The following ZFP62 variants were observed in gnomAD, a reference collection of about 807,000 sequenced individuals.
ZFP62 encodes the protein zinc finger protein 62 homolog.
ZFP62 carries 44 observed loss-of-function variants against 56.4 expected under a neutral mutation model. The ratio of observed to expected loss-of-function variants is 0.78; its 90% confidence interval spans 0.61 to 1.00. ZFP62 has a LOEUF of 1.00. ZFP62 is among the 50% of genes least tolerant of loss of function. The pLI, the probability that ZFP62 is intolerant of heterozygous loss-of-function variation, is 0.00. For synonymous variants in ZFP62, 421 were observed against 388.9 expected (o/e 1.08, Z -0.97); for missense variants, 1,030 against 1,085.7 (o/e 0.95, Z 0.72).
At chr5:180,856,985 ACAGG>A (rs1774021418) in intron 1 of ZFP62, among the ~76,000 whole-genome samples, 2 of 142,804 alleles carry the variant, frequency 1.4e-5, no homozygotes, top group African/African-American at 5.2e-5. Flanking sequence ...AAAAGCAAAT[ACAGG>A]ACATGGAGGG....
At chr5:180,859,797 G>C (rs1774208756) in intron 1 of ZFP62, among the ~76,000 whole-genome samples, 1 of 152,220 alleles carries the variant, frequency 6.6e-6, no homozygotes, top group Admixed American at 6.5e-5. Flanking sequence ...CTCTACATCA[G>C]TGATTTTGAT....
chr5:180,833,454 G>C, the ZFP62 span, among the ~76,000 whole-genome samples: 2 of 148,600 alleles, frequency 1.3e-5, no homozygotes, highest in African/African-American at 5.0e-5. Flanking sequence ...ACTCCAGCCT[G>C]GGCGATACGG....
At position 180,848,346 on chromosome 5, in the gene ZFP62, T is replaced by C. The variant is rs574974058; in HGVS notation, c.*446A>G. ...AACCTATCCTCCCTGAATTTGCCTG[T>C]TGGAGGCCCTTAGTTTTCCCACTGA... On this transcript the variant is annotated 3_prime_UTR_variant, in exon 2 of 2. Coordinates refer to ENST00000502412, the MANE Select transcript of ZFP62 (RefSeq NM_001172638.2). 1 of 987,520 alleles carries C rather than the reference T, an allele frequency of 1.0e-6. No homozygotes were observed. The highest frequency in any genetic ancestry group is 1.7e-5 in the African/African-American group (1 of 57,300). The allele number at this position is 987,520 out of a possible 1,614,324, so 61.2% of individuals were successfully genotyped here.
the ZFP62 span, chr5:180,834,729 ATCT>A: frequency 2.0e-5 from 3 of 152,242 alleles, no homozygotes; most frequent in African/African-American, 7.2e-5. Flanking sequence ...CTGGACCCTG[ATCT>A]TCTGGTGGGT....
In ZFP62 at chr5:180,847,980, C is replaced by T. The variant is rs1773473990; in HGVS notation, c.*812G>A. ...CATTAGTTACTGAATGTGTCAAAAT[C>T]CTCTCCACGGTAGAACCTTTTATTG... On this transcript the variant is annotated 3_prime_UTR_variant, in exon 2 of 2. Transcript: ENST00000502412. 1.0e-6 allele frequency: 1 copy of T among 985,442 alleles called. No homozygotes were observed. Among genetic ancestry groups the T allele is most frequent in the South Asian group, 4.7e-5 (1 of 21,288 alleles). The allele number at this position is 985,442 out of a possible 1,614,324, so 61.0% of individuals were successfully genotyped here.
At chr5:180,852,497 T>A (rs567885377) in intron 1 of ZFP62, among the ~76,000 whole-genome samples, 12 of 146,808 alleles carry the variant, frequency 8.2e-5, no homozygotes, top group Non-Finnish European at 1.2e-4. Context: ...GAGGTTGCAG[T>A]GAGCCGAGAT....
At chr5:180,838,583 G>A in the ZFP62 span, among the ~76,000 whole-genome samples, 1 of 152,180 alleles carries the variant, frequency 6.6e-6, no homozygotes, top group South Asian at 2.1e-4. Flanking sequence ...GGAGGTTCTT[G>A]TAGGAAATAC....
chr5:180,856,303 T>C (rs182627092), intron 1 of ZFP62, among the ~76,000 whole-genome samples: 37 of 152,220 alleles, frequency 2.4e-4, no homozygotes, highest in Admixed American at 2.1e-3. Context: ...TCAATGAAAA[T>C]AGATGGCTTG....
chr5:180,860,435 C>G (rs1774237922), intron 1 of ZFP62: 1 of 152,200 alleles, frequency 6.6e-6, no homozygotes, highest in Admixed American at 6.5e-5. Flanking sequence ...ACACCCAGCC[C>G]TGGCATTCCC....
Position 180,853,046 on chromosome 5 carries a change from T to C in ZFP62, c.2-1553A>G, listed in dbSNP as rs149859247. Among the ~76,000 whole-genome samples the C allele has an allele frequency of 3.6e-3, 542 of 152,320 alleles. 5 individuals carry two copies. Among genetic ancestry groups the C allele is most frequent in the African/African-American group, 0.012 (499 of 41,574 alleles). On this transcript the variant is annotated intron_variant, in intron 1 of 1. Coordinates refer to ENST00000502412, the MANE Select transcript of ZFP62 (RefSeq NM_001172638.2). Reference sequence around the variant, plus strand: ...TTTGCCAATATCTATCAAAACTACATATGCATTTACCCAGAAGTCCTACTT... The same window carrying C: ...TTTGCCAATATCTATCAAAACTACACATGCATTTACCCAGAAGTCCTACTT...
At chr5:180,840,789 TTGTGTGTGTGTG>T in the ZFP62 span, among the ~76,000 whole-genome samples, 780 of 146,558 alleles carry the variant, frequency 5.3e-3, 6 homozygotes, top group African/African-American at 0.018. Context: ...CTAAAACAAT[TTGTGTGTGTGTG>T]TGTGTGTGTG....
Position 180,849,686 on chromosome 5 carries a change from G to T in ZFP62, c.1809C>A (p.Thr603=). Residue 603 remains threonine (T), a synonymous_variant, in exon 2 of 2, where the codon ACC becomes ACA. Transcript: ENST00000502412. Reference sequence around the variant, plus strand: ...GATGAACTTTTTTGTGGTTTGTAAGGGTTCGGTATGTGATGAAGGCCTTCT... The same window carrying T: ...GATGAACTTTTTTGTGGTTTGTAAGTGTTCGGTATGTGATGAAGGCCTTCT... The part of the protein sequence containing the change: ...ECEKAFITYR[T]LTNHKKVHLG... The T allele has an allele frequency of 6.4e-7, 1 of 1,551,678 alleles. No homozygotes were observed. The highest frequency in any genetic ancestry group is 8.7e-7 in the Non-Finnish European group (1 of 1,146,998).
downstream of ZFP62, among the ~76,000 whole-genome samples, chr5:180,846,243 G>A (rs950837283): frequency 5.9e-5 from 9 of 152,264 alleles, no homozygotes; most frequent in South Asian, 6.2e-4. Context: ...GATGGGGGCC[G>A]CAGTAGGAGC....
At chr5:180,836,099 T>G in the ZFP62 span, among the ~76,000 whole-genome samples, 6 of 152,266 alleles carry the variant, frequency 3.9e-5, no homozygotes, top group Non-Finnish European at 8.8e-5. Flanking sequence ...CATTAGGCCA[T>G]GCCGTGCAGC....
chr5:180,828,914 G>T, the ZFP62 span, among the ~76,000 whole-genome samples: 1 of 152,176 alleles, frequency 6.6e-6, no homozygotes, highest in Non-Finnish European at 1.5e-5. Context: ...ATTCCTGGGG[G>T]TAGGTCTATA....
chr5:180,858,824 T>C (rs1020513254), intron 1 of ZFP62, among the ~76,000 whole-genome samples: 31 of 152,124 alleles, frequency 2.0e-4, no homozygotes, highest in Non-Finnish European at 4.0e-4. Flanking sequence ...TCTTAAAAGT[T>C]CTAAAGGCTG....
the ZFP62 span, among the ~76,000 whole-genome samples, chr5:180,842,554 A>G: frequency 2.6e-5 from 4 of 152,368 alleles, no homozygotes; most frequent in Non-Finnish European, 5.9e-5. Flanking sequence ...AATGCATCCA[A>G]TGTGACAAAA....
chr5:180,829,797 G>T, the ZFP62 span, among the ~76,000 whole-genome samples: 4 of 152,144 alleles, frequency 2.6e-5, 1 homozygote, highest in South Asian at 6.2e-4. Context: ...TGAAAGCCCC[G>T]GCCATAGTCT....
At chr5:180,835,546 A>G in the ZFP62 span, 1 of 152,200 alleles carries the variant, frequency 6.6e-6, no homozygotes, top group African/African-American at 2.4e-5. Context: ...TCCTCTGTGG[A>G]TTGATATTTA....
Sources: allele counts gnomAD v4.1 joint callset (sites outside exome capture counted in the v4.1 genomes callset), GRCh38; gene constraint gnomAD v4.1.1; transcripts MANE v1.5; gene names NCBI Gene and HGNC (gene_info 2026-07-23, HGNC 2026-07-21).